Variants in ADCY9 observed in about 807,000 individuals in gnomAD.
The protein encoded by ADCY9 is adenylate cyclase 9.
ADCY9 carries 50 observed loss-of-function variants against 101.5 expected under a neutral mutation model. That is an observed-to-expected ratio of 0.49 (90% CI 0.39 to 0.62). The LOEUF (loss-of-function observed/expected upper bound fraction) is 0.62, where lower values mean the gene tolerates loss of function less well. ADCY9 is among the 20% of genes least tolerant of loss of function. The pLI, the probability that ADCY9 is intolerant of heterozygous loss-of-function variation, is 0.00. For missense variants in ADCY9, 1,662 were observed against 1,800.4 expected (o/e 0.92, Z 1.39); for synonymous variants, 905 against 769.3 (o/e 1.18, Z -2.92).
At chr16:4,029,206 AAAT>A (rs749085258) in intron 2 of ADCY9, among the ~76,000 whole-genome samples, 1 of 152,204 alleles carries the variant, frequency 6.6e-6, no homozygotes, top group Non-Finnish European at 1.5e-5. Flanking sequence ...AGTATCTAGG[AAAT>A]AATATTATAG....
At chr16:4,001,712 C>T (rs150852164) in intron 3 of ADCY9, among the ~76,000 whole-genome samples, 177 of 150,860 alleles carry the variant, frequency 1.2e-3, no homozygotes, top group African/African-American at 4.2e-3. Flanking sequence ...ACATGCCTGG[C>T]TAACTTTTAT....
intron 3 of ADCY9, among the ~76,000 whole-genome samples, chr16:3,996,802 C>T (rs187805760): frequency 3.3e-4 from 51 of 152,264 alleles, no homozygotes; most frequent in African/African-American, 1.1e-3. Context: ...AATCTCCTGG[C>T]GTCAGTCTGT....
chr16:4,034,108 G>A (rs754543876), intron 2 of ADCY9, among the ~76,000 whole-genome samples: 2 of 152,190 alleles, frequency 1.3e-5, no homozygotes, highest in Non-Finnish European at 1.5e-5. Flanking sequence ...CTGCAGATCA[G>A]AGACCACGTG....
At chr16:4,093,492 G>C (rs1367394881) in intron 2 of ADCY9, among the ~76,000 whole-genome samples, 1 of 152,148 alleles carries the variant, frequency 6.6e-6, no homozygotes, top group Non-Finnish European at 1.5e-5. Context: ...TAGTGAAAAT[G>C]AAATGGCTAA....
chr16:4,041,506 CAAA>C (rs55669348), intron 2 of ADCY9, among the ~76,000 whole-genome samples: 79 of 94,578 alleles, frequency 8.4e-4, no homozygotes, highest in Middle Eastern at 6.0e-3. Context: ...GTATTAAAAC[CAAA>C]AAAAAAAAAA....
intron 2 of ADCY9, among the ~76,000 whole-genome samples, chr16:4,014,761 T>C (rs2141729496): frequency 7.5e-6 from 1 of 133,302 alleles, no homozygotes; most frequent in Admixed American, 8.1e-5. Context: ...AAATAAAATT[T>C]TAGAGCATGT....
chr16:3,983,097 C>T (rs1488995108), intron 7 of ADCY9, 135 bp downstream of exon 7: 37 of 849,006 alleles, frequency 4.4e-5, no homozygotes, highest in South Asian at 9.0e-5. Context: ...GGGGAGGACA[C>T]GGGGACCCAT....
intron 2 of ADCY9, among the ~76,000 whole-genome samples, chr16:4,083,375 C>G (rs1027145686): frequency 1.3e-5 from 2 of 151,962 alleles, no homozygotes; most frequent in African/African-American, 4.8e-5. Context: ...TTTATGGAGA[C>G]GTGGGGAAAT....
chr16:3,957,028 A>G (rs901906235), intron 5 of ADCY9, among the ~76,000 whole-genome samples: 6 of 152,176 alleles, frequency 3.9e-5, no homozygotes, highest in African/African-American at 1.4e-4. Flanking sequence ...GAAGGGGGAA[A>G]ATACATTTTT....
In ADCY9 at chr16:4,042,069, G is replaced by A. The variant is rs546573335; in HGVS notation, c.1694-34511C>T. Among the ~76,000 whole-genome samples, 13 of 151,984 alleles carry A rather than the reference G, an allele frequency of 8.6e-5. No homozygotes were observed. In the East Asian group the frequency reaches 2.1e-3, roughly 25 times the overall value. ...CTCCTGAGTAGCTGGGACTACAGGC[G>A]TCCGCCACCACTCCTGGCTAATTTT... On this transcript the variant is annotated intron_variant, in intron 2 of 10. Transcript: ENST00000294016.
intron 2 of ADCY9, among the ~76,000 whole-genome samples, chr16:4,107,075 A>G (rs2057081947): frequency 6.6e-6 from 1 of 152,258 alleles, no homozygotes; most frequent in Middle Eastern, 3.4e-3. Flanking sequence ...TGTCCTTGTC[A>G]CTGTAAGCCA....
intron 2 of ADCY9, among the ~76,000 whole-genome samples, chr16:4,085,008 C>A (rs114887620): frequency 1.3e-5 from 2 of 152,220 alleles, no homozygotes; most frequent in African/African-American, 4.8e-5. Flanking sequence ...CCCATTGGTG[C>A]CTTAGGTATA....
intron 10 of ADCY9, among the ~76,000 whole-genome samples, chr16:3,972,716 T>C (rs150017134): frequency 1.1e-3 from 172 of 152,182 alleles, no homozygotes; most frequent in African/African-American, 3.9e-3. Context: ...GACACTTTGG[T>C]ATATTTCAGT....
rs746005209 is a variant in ADCY9, at chr16:4,113,874, C to T, written c.1569G>A (p.Leu523=). 172 of 1,614,076 alleles carry T rather than the reference C, an allele frequency of 1.1e-4. No individual in the cohort carries two copies. Among genetic ancestry groups the T allele is most frequent in the Non-Finnish European group, 1.4e-4 (162 of 1,180,026 alleles). The change falls in exon 2 of 11, where the codon CTG becomes CTA. Residue 523 remains leucine, a synonymous_variant. Transcript: ENST00000294016. ...DVNLANLMEQ[L]GVAGKVHISE... ...AAATGTGAACTTTGCCGGCCACTCC[C>T]AGCTGCTCCATGAGATTGGCCAGGT...
intron 2 of ADCY9, among the ~76,000 whole-genome samples, chr16:4,088,671 G>A (rs2056954681): frequency 6.6e-6 from 1 of 151,928 alleles, no homozygotes; most frequent in Non-Finnish European, 1.5e-5. Context: ...GGCTGTAACA[G>A]CACCGTCCAC....
Position 4,115,061 on chromosome 16 carries a change from G to A in ADCY9, c.382C>T (p.Leu128Phe), listed in dbSNP as rs770534868. The A allele has an allele frequency of 1.9e-6, 3 of 1,614,082 alleles. No homozygotes were observed. The highest frequency in any genetic ancestry group is 3.3e-5 in the Admixed American group (2 of 60,034). ...YALFYIGFACLLWSIYFAVHM... is the reference protein window; with the variant it reads ...YALFYIGFACFLWSIYFAVHM... ...ACCGCAAAATAGATGCTCCACAGAA[G>A]GCAGGCGAAGCCGATGTAGAAGAGC... Residue 128 changes from leucine to phenylalanine, a missense_variant, in exon 2 of 11, where the codon CTT (leucine) becomes TTT (phenylalanine). Leu to Phe is a conservative substitution (Grantham distance 22). Around this residue, in one of 5 missense-constraint regions of ADCY9, gnomAD observed 422 missense variants for 392.0 expected, o/e 1.08. Coordinates refer to ENST00000294016, the MANE Select transcript of ADCY9 (RefSeq NM_001116.4). The surrounding 1 kb of genome is among the most constrained non-coding windows in gnomAD (Gnocchi z 6.2).
At chr16:4,022,482 C>T (rs1269028949) in intron 2 of ADCY9, among the ~76,000 whole-genome samples, 1 of 124,264 alleles carries the variant, frequency 8.0e-6, no homozygotes, top group Non-Finnish European at 1.6e-5. Flanking sequence ...CAGAGCGAGA[C>T]TCCGTCTCAA....
chr16:4,024,615 G>C (rs1330163750), intron 2 of ADCY9, among the ~76,000 whole-genome samples: 3 of 152,082 alleles, frequency 2.0e-5, no homozygotes, highest in Admixed American at 6.6e-5. Context: ...TGGCTCCGGA[G>C]GTGTCAGGAG....
chr16:3,992,420 G>A lies in ADCY9; in HGVS notation c.1990-57C>T. On this transcript the variant is annotated intron_variant, in intron 4 of 10. Transcript: ENST00000294016. The surrounding 1 kb of genome is among the most constrained non-coding windows in gnomAD (Gnocchi z 4.2). ...GAAGTGAAGTGGCACCGGGCACTGG[G>A]CACACACGCCTGTCCCACCCCGACC... The A allele has an allele frequency of 6.6e-7, 1 of 1,514,182 alleles. No homozygotes were observed. Among genetic ancestry groups the A allele is most frequent in the Non-Finnish European group, 9.1e-7 (1 of 1,100,468 alleles). The allele number at this position is 1,514,182 out of a possible 1,614,324, so 93.8% of individuals were successfully genotyped here.
Sources: allele counts gnomAD v4.1 joint callset (sites outside exome capture counted in the v4.1 genomes callset), GRCh38; gene constraint gnomAD v4.1.1; regional missense constraint gnomAD v4.1.1; non-coding constraint Gnocchi (gnomAD v3.1); transcripts MANE v1.5; gene names NCBI Gene and HGNC (gene_info 2026-07-23, HGNC 2026-07-21).